Variants in SUPT16H observed in about 807,000 individuals in gnomAD.
The protein encoded by SUPT16H is FACT complex subunit SPT16.
SUPT16H carries 24 observed loss-of-function variants against 136.2 expected under a neutral mutation model. The ratio of observed to expected loss-of-function variants is 0.18; its 90% CI spans 0.13 to 0.25. The LOEUF (loss-of-function observed/expected upper bound fraction) is 0.25, where lower values mean the gene tolerates loss of function less well. SUPT16H is among the 10% of genes least tolerant of loss of function. SUPT16H has a pLI of 1.00. For missense variants in SUPT16H, 623 were observed against 1,270.2 expected (o/e 0.49, Z 7.74); for synonymous variants, 415 against 428.2 (o/e 0.97, Z 0.38).
rs1400933239 is a variant in SUPT16H, at chr14:21,358,178, G to GA, written c.2414+136dup. 4.7e-5 allele frequency: 38 copies of GA among 814,364 alleles called. 1 individual carries two copies. The highest frequency in any genetic ancestry group is 8.7e-5 in the African/African-American group (5 of 57,322). 50.4% of individuals were successfully genotyped at this position (814,364 alleles called of 1,614,324 possible). A position where few individuals can be genotyped will look rare whatever the true frequency, so the allele number is the denominator to read the frequency against. On this transcript the variant is annotated intron_variant, in intron 20 of 25. Coordinates refer to ENST00000216297, the MANE Select transcript of SUPT16H (RefSeq NM_007192.4). ...CACCTAAACCCTTAAACATTTTCAA[G>GA]AAAAAATGGATGTCTCAAAGATTAT...
At chr14:21,373,290 A>G (rs765412544) in intron 2 of SUPT16H, 48 bp downstream of exon 2, 6 of 1,396,644 alleles carry the variant, frequency 4.3e-6, no homozygotes, top group Non-Finnish European at 6.1e-6. Flanking sequence ...ACAGTGCAGT[A>G]GATAATCCAA....
In SUPT16H at chr14:21,363,443, G is replaced by A; in HGVS notation, c.1294C>T (p.Leu432=). ...KKKVKNVGIF[L]KNEDEEEEEE... The stretch of plus-strand genomic sequence containing the variant: ...CTTATCTATCTTCTTCCTACCTTTA[G>A]GAAAATCCCCACATTCTTCACTTTC... Residue 432 remains leucine (L), a synonymous_variant, in exon 11 of 26, where the codon CTA becomes TTA. Transcript: ENST00000216297. 6.2e-7 allele frequency: 1 copy of A among 1,613,730 alleles called. No homozygotes were observed. The highest frequency in any genetic ancestry group is 8.5e-7 in the Non-Finnish European group (1 of 1,179,886).
chr14:21,373,894 A>G, intron 1 of SUPT16H, among the ~76,000 whole-genome samples: 1 of 151,980 alleles, frequency 6.6e-6, no homozygotes, highest in Non-Finnish European at 1.5e-5. Context: ...CACCTGGCTA[A>G]TTTTTTTATT....
chr14:21,383,638 G>T, intron 1 of SUPT16H: 1 of 709,128 alleles, frequency 1.4e-6, no homozygotes, highest in Non-Finnish European at 2.6e-6. Flanking sequence ...AGGCTGGCAC[G>T]CGGGGAAGAT....
At chr14:21,357,428 A>T (rs1886458023) in intron 21 of SUPT16H, 62 bp from the exon 22 acceptor site, 13 of 1,438,518 alleles carry the variant, frequency 9.0e-6, no homozygotes, top group Non-Finnish European at 1.2e-5. Flanking sequence ...TAATATTTCA[A>T]ATAACTTTCA....
At chr14:21,383,802 C>G (rs773235518) in intron 1 of SUPT16H, 60 bp downstream of exon 1, 3 of 1,592,892 alleles carry the variant, frequency 1.9e-6, no homozygotes, top group Non-Finnish European at 2.6e-6. Context: ...CGCCGAGAAA[C>G]AGGGTTATTA....
intron 3 of SUPT16H, 56 bp from the exon 4 acceptor site, chr14:21,370,544 G>GT: frequency 1.9e-6 from 3 of 1,559,648 alleles, no homozygotes; most frequent in East Asian, 2.2e-5. Flanking sequence ...CATTAGACAC[G>GT]TTTTACCAGT....
In SUPT16H at chr14:21,362,525, A is replaced by G. The variant is rs1279400837; in HGVS notation, c.1666-201T>C. Among the ~76,000 whole-genome samples the G allele has an allele frequency of 1.3e-5, 2 of 152,244 alleles. 1 individual carries two copies. Among genetic ancestry groups the G allele is most frequent in the Non-Finnish European group, 2.9e-5 (2 of 68,046 alleles). ...TCTCTGAATTCTCAAAGTACCTTGT[A>G]CCATGAATACAACTAAAAGTTAAAC... On this transcript the variant is annotated intron_variant, in intron 14 of 25. Transcript: ENST00000216297.
At chr14:21,375,142 T>C (rs1886873740) in intron 1 of SUPT16H, among the ~76,000 whole-genome samples, 1 of 152,112 alleles carries the variant, frequency 6.6e-6, no homozygotes, top group Admixed American at 6.6e-5. Context: ...GCCTCCCAAG[T>C]AGCGGGACTT....
Position 21,364,859 on chromosome 14 carries a change from G to A in SUPT16H, c.1201C>T (p.Leu401=). The A allele has an allele frequency of 1.4e-5, 22 of 1,612,794 alleles. No homozygotes were observed. Among genetic ancestry groups the A allele is most frequent in the Non-Finnish European group, 1.8e-5 (21 of 1,180,022 alleles). ...GKKPEEKTYA[L]FIGDTVLVDE... is the part of the protein sequence containing the mutation. ...ACAAGCACTGTGTCACCAATGAACAGGGCATAGGTTTTCTCTTCTGGCTTT... is the reference window on the plus strand; with the variant it reads ...ACAAGCACTGTGTCACCAATGAACAAGGCATAGGTTTTCTCTTCTGGCTTT... The change falls in exon 10 of 26, where the codon CTG becomes TTG. Residue 401 remains leucine, a synonymous_variant. Transcript: ENST00000216297.
intron 1 of SUPT16H, among the ~76,000 whole-genome samples, chr14:21,377,551 T>C (rs992435964): frequency 1.3e-5 from 2 of 151,478 alleles, no homozygotes; most frequent in African/African-American, 2.4e-5. Context: ...ATGCAAGGGC[T>C]GAAGACATTT....
intron 1 of SUPT16H, among the ~76,000 whole-genome samples, chr14:21,379,863 CCA>C (rs1440390058): frequency 1.3e-5 from 2 of 148,834 alleles, no homozygotes; most frequent in Non-Finnish European, 1.5e-5. Flanking sequence ...CCAGCCTCAG[CCA>C]CAGAGTGAAA....
chr14:21,368,681 T>C (rs1316705832), intron 6 of SUPT16H, among the ~76,000 whole-genome samples: 1 of 152,238 alleles, frequency 6.6e-6, no homozygotes, highest in East Asian at 1.9e-4. Flanking sequence ...AAGTGAGTAC[T>C]GGATTACAAA....
intron 19 of SUPT16H, among the ~76,000 whole-genome samples, chr14:21,358,840 G>A (rs1886488692): frequency 6.6e-6 from 1 of 152,116 alleles, no homozygotes; most frequent in South Asian, 2.1e-4. Flanking sequence ...ATGGAGTCTT[G>A]CTAGTCGCCC....
chr14:21,379,714 C>A (rs1284604039), intron 1 of SUPT16H, among the ~76,000 whole-genome samples: 1 of 151,586 alleles, frequency 6.6e-6, no homozygotes, highest in Non-Finnish European at 1.5e-5. Context: ...AAATAAATAA[C>A]AATAATAATA....
intron 4 of SUPT16H, among the ~76,000 whole-genome samples, chr14:21,370,118 C>T (rs549702964): frequency 4.5e-4 from 68 of 152,240 alleles, no homozygotes; most frequent in South Asian, 1.9e-3. Context: ...TAATGTACCA[C>T]TTAAAATGTA....
At chr14:21,375,450 T>G (rs965970414) in intron 1 of SUPT16H, among the ~76,000 whole-genome samples, 1 of 152,192 alleles carries the variant, frequency 6.6e-6, no homozygotes, top group Non-Finnish European at 1.5e-5. Context: ...AGTTGTTGCT[T>G]TATTATTGAG....
intron 1 of SUPT16H, among the ~76,000 whole-genome samples, chr14:21,375,977 T>TA (rs1594310137): frequency 6.6e-6 from 1 of 152,266 alleles, no homozygotes; most frequent in East Asian, 1.9e-4. Flanking sequence ...ATACTTCTTC[T>TA]ACAAGGGTTT....
chr14:21,355,012 C>T (rs1021143983), intron 22 of SUPT16H: 4 of 153,236 alleles, frequency 2.6e-5, no homozygotes, highest in Admixed American at 2.0e-4. Flanking sequence ...CTTTCTCCTT[C>T]ACCTGAGTCT....
Sources: gnomAD v4.1 joint callset for allele counts (sites outside exome capture counted in the v4.1 genomes callset) on GRCh38, gnomAD v4.1.1 for gene constraint, MANE v1.5 for transcripts, NCBI Gene and HGNC (gene_info 2026-07-23, HGNC 2026-07-21) for gene names.